GRHL2: variants seen among roughly 807,000 people sequenced by gnomAD.
GRHL2 encodes grainyhead-like protein 2 homolog.
Under a neutral mutation model 83.8 loss-of-function variants are expected in GRHL2, and 21 were observed. That is an observed-to-expected ratio of 0.25 (90% confidence interval 0.18 to 0.36). The LOEUF (loss-of-function observed/expected upper bound fraction) is 0.36, where lower values mean the gene tolerates loss of function less well. GRHL2 is among the 10% of genes least tolerant of loss of function. GRHL2 has a pLI of 1.00. For missense variants in GRHL2, 623 were observed against 781.8 expected (o/e 0.80, Z 2.42); for synonymous variants, 280 against 278.9 (o/e 1.00, Z -0.04).
At chr8:101,599,575 A>G (rs1812468330) in intron 8 of GRHL2, among the ~76,000 whole-genome samples, 1 of 152,212 alleles carries the variant, frequency 6.6e-6, no homozygotes, top group Non-Finnish European at 1.5e-5. Flanking sequence ...TGGTTGAAGG[A>G]TGGAATACAG....
At chr8:101,652,014 T>C (rs1231624930) in intron 14 of GRHL2, among the ~76,000 whole-genome samples, 1 of 152,116 alleles carries the variant, frequency 6.6e-6, no homozygotes, top group Non-Finnish European at 1.5e-5. Context: ...GACAGCAGGC[T>C]CCGTGTAAGC....
intron 8 of GRHL2, among the ~76,000 whole-genome samples, chr8:101,606,144 T>C (rs1315808859): frequency 6.6e-6 from 1 of 152,190 alleles, no homozygotes; most frequent in Non-Finnish European, 1.5e-5. Flanking sequence ...ATGTGCAACT[T>C]AAGAAATTCA....
At chr8:101,573,001 C>G (rs1298956254) in intron 5 of GRHL2, among the ~76,000 whole-genome samples, 1 of 152,124 alleles carries the variant, frequency 6.6e-6, no homozygotes, top group Non-Finnish European at 1.5e-5. Flanking sequence ...TCCAATAAAC[C>G]TTTATTTACA....
chr8:101,494,154 C>T (rs1810044049), intron 1 of GRHL2, among the ~76,000 whole-genome samples: 1 of 152,022 alleles, frequency 6.6e-6, no homozygotes, highest in African/African-American at 2.4e-5. Context: ...GGCCGGTGCC[C>T]CAAGGCCGCG....
chr8:101,517,481 C>T (rs1041160627), intron 1 of GRHL2, among the ~76,000 whole-genome samples: 2 of 152,144 alleles, frequency 1.3e-5, no homozygotes, highest in African/African-American at 2.4e-5. Flanking sequence ...TGGCCACCAG[C>T]GCAAAGGGCT....
At chr8:101,604,811 C>G (rs929477944) in intron 8 of GRHL2, among the ~76,000 whole-genome samples, 3 of 152,210 alleles carry the variant, frequency 2.0e-5, no homozygotes, top group Non-Finnish European at 4.4e-5. Flanking sequence ...AAGTCTACTA[C>G]TGGCCATCTC....
At chr8:101,502,838 CT>C (rs962779026) in intron 1 of GRHL2, among the ~76,000 whole-genome samples, 22 of 151,586 alleles carry the variant, frequency 1.5e-4, no homozygotes, top group Non-Finnish European at 2.7e-4. Flanking sequence ...CCTTCTCCTT[CT>C]TTTTTTTCTT....
At position 101,529,858 on chromosome 8, in the gene GRHL2, T is replaced by A. The variant is rs151133042; in HGVS notation, c.21-13383T>A. 9.9e-5 allele frequency among the ~76,000 whole-genome samples: 15 copies of A among 152,262 alleles called. No homozygotes were observed. The East Asian group carries it at 2.9e-3, about 29-fold the overall frequency. The stretch of plus-strand genomic sequence containing the variant: ...GAGGATGCCTGGAGGGTCCTTTGTA[T>A]ATATACAAGTGAGGCCCAGCAGGGT... On this transcript the variant is annotated intron_variant, in intron 1 of 15. Transcript: ENST00000646743.
chr8:101,602,796 C>A (rs1803788286), intron 8 of GRHL2, among the ~76,000 whole-genome samples: 1 of 152,222 alleles, frequency 6.6e-6, no homozygotes. Flanking sequence ...GTCCCCCAGG[C>A]AACTGATATG....
At chr8:101,515,246 C>G (rs1810550407) in intron 1 of GRHL2, among the ~76,000 whole-genome samples, 1 of 150,862 alleles carries the variant, frequency 6.6e-6, no homozygotes, top group Non-Finnish European at 1.5e-5. Flanking sequence ...GTGGCCATCA[C>G]TTTTCCTACT....
intron 1 of GRHL2, among the ~76,000 whole-genome samples, chr8:101,495,315 G>T (rs1810074940): frequency 6.6e-6 from 1 of 152,198 alleles, no homozygotes; most frequent in Admixed American, 6.5e-5. Context: ...GATTGCACAG[G>T]AAGATATTTC....
chr8:101,560,130 C>T (rs748346770), intron 4 of GRHL2, among the ~76,000 whole-genome samples: 8 of 151,970 alleles, frequency 5.3e-5, no homozygotes, highest in Admixed American at 3.3e-4. Context: ...CTCAGCCTCC[C>T]GAGTAGCTGG....
At chr8:101,636,757 A>ACG in intron 11 of GRHL2, 140 bp from the exon 12 acceptor site, 1 of 742,456 alleles carries the variant, frequency 1.3e-6, no homozygotes, top group Non-Finnish European at 2.5e-6. Flanking sequence ...ACACACACAC[A>ACG]CACACACACT....
downstream of GRHL2, among the ~76,000 whole-genome samples, chr8:101,674,436 G>T (rs1281953343): frequency 2.6e-5 from 4 of 152,030 alleles, no homozygotes; most frequent in Non-Finnish European, 5.9e-5. Context: ...ACACCTCTAC[G>T]CAAATAAACT....
At chr8:101,539,420 G>A (rs1811107204) in intron 1 of GRHL2, among the ~76,000 whole-genome samples, 1 of 152,082 alleles carries the variant, frequency 6.6e-6, no homozygotes, top group Non-Finnish European at 1.5e-5. Flanking sequence ...TCTCCAAGTG[G>A]AGGCTGCAGA....
At chr8:101,676,417 T>G in the GRHL2 span, among the ~76,000 whole-genome samples, 3 of 151,784 alleles carry the variant, frequency 2.0e-5, no homozygotes, top group Non-Finnish European at 2.9e-5. Context: ...AACAGACACT[T>G]CTCAAAAGAA....
chr8:101,663,250 A>G (rs1362333568), intron 14 of GRHL2, among the ~76,000 whole-genome samples: 1 of 152,192 alleles, frequency 6.6e-6, no homozygotes, highest in East Asian at 1.9e-4. Flanking sequence ...GAGTAACAAT[A>G]TGGAATATGA....
chr8:101,624,439 T>C (rs1430609146), intron 9 of GRHL2, among the ~76,000 whole-genome samples: 3 of 150,968 alleles, frequency 2.0e-5, no homozygotes, highest in Non-Finnish European at 4.4e-5. Flanking sequence ...CAGTACACAG[T>C]AGGACAGTTT....
intron 8 of GRHL2, among the ~76,000 whole-genome samples, chr8:101,607,478 A>G (rs987235949): frequency 6.6e-6 from 1 of 152,208 alleles, no homozygotes; most frequent in African/African-American, 2.4e-5. Context: ...CTTACAAGAC[A>G]GTCTAGGATG....
Sources: allele counts gnomAD v4.1 joint callset (sites outside exome capture counted in the v4.1 genomes callset), GRCh38; gene constraint gnomAD v4.1.1; transcripts MANE v1.5; gene names NCBI Gene and HGNC (gene_info 2026-07-23, HGNC 2026-07-21).